CCNH: variants seen among roughly 807,000 people sequenced by gnomAD.
CCNH encodes cyclin-H.
In CCNH, 31 loss-of-function variants were observed where a neutral mutation model predicts 41.9. The observed-to-expected ratio is 0.74, with a 90% CI of 0.56 to 1.00. The LOEUF is 1.00. Among genes scored for constraint, CCNH ranks in the 50% least tolerant of loss-of-function variants. CCNH has a pLI of 0.00. For synonymous variants in CCNH, 138 were observed against 136.1 expected (o/e 1.01, Z -0.10); for missense variants, 362 against 388.4 (o/e 0.93, Z 0.57).
chr5:87,355,168 A>G (rs1323850948), intron 9 of CCNH, among the ~76,000 whole-genome samples: 1 of 152,182 alleles, frequency 6.6e-6, no homozygotes, highest in Non-Finnish European at 1.5e-5. Context: ...TGAAGGTGCT[A>G]AACAACAGAT....
chr5:87,352,966 T>C (rs149277466), intron 9 of CCNH, among the ~76,000 whole-genome samples: 1 of 152,170 alleles, frequency 6.6e-6, no homozygotes, highest in African/African-American at 2.4e-5. Flanking sequence ...CCTGTAAATC[T>C]ATATTGAGAA....
chr5:87,324,128 G>A (rs749221312), intron 9 of CCNH, among the ~76,000 whole-genome samples: 7 of 152,306 alleles, frequency 4.6e-5, no homozygotes, highest in Non-Finnish European at 7.3e-5. Context: ...TTCATGTGCT[G>A]AATGGTATGA....
chr5:87,380,670 A>G (rs1005935823), upstream of CCNH: 15 of 1,273,172 alleles, frequency 1.2e-5, no homozygotes, highest in African/African-American at 2.1e-4. Context: ...GAATAACAAT[A>G]TACAATTCAA....
intron 7 of CCNH, among the ~76,000 whole-genome samples, chr5:87,396,407 G>A (rs906239964): frequency 2.0e-5 from 3 of 152,124 alleles, no homozygotes; most frequent in Non-Finnish European, 2.9e-5. Flanking sequence ...GGATCACGAC[G>A]TCAGGAGCTT....
At chr5:87,378,650 C>A, upstream of CCNH, 1 of 1,165,516 alleles carries the variant, frequency 8.6e-7, no homozygotes. Flanking sequence ...AAAATTATTC[C>A]TCATAGCAGT....
intron 9 of CCNH, among the ~76,000 whole-genome samples, chr5:87,327,259 C>T (rs138280300): frequency 7.2e-5 from 11 of 152,270 alleles, no homozygotes; most frequent in African/African-American, 2.6e-4. Context: ...CCTACATTTG[C>T]GCAGCTAGGT....
chr5:87,330,186 T>C (rs1370445228), intron 9 of CCNH, among the ~76,000 whole-genome samples: 3 of 152,148 alleles, frequency 2.0e-5, no homozygotes, highest in Non-Finnish European at 4.4e-5. Context: ...AGTAATTCTT[T>C]CCATAAGTTT....
At chr5:87,351,351 T>C (rs1350967778) in intron 9 of CCNH, among the ~76,000 whole-genome samples, 1 of 151,760 alleles carries the variant, frequency 6.6e-6, no homozygotes, top group Admixed American at 6.6e-5. Context: ...AAGTATGGTA[T>C]GCAGAATGTG....
chr5:87,365,519 A>G (rs1176334572), intron 9 of CCNH, among the ~76,000 whole-genome samples: 4 of 152,094 alleles, frequency 2.6e-5, no homozygotes, highest in Non-Finnish European at 5.9e-5. Flanking sequence ...TTAACAGAGA[A>G]GTTAAAATTG....
chr5:87,314,216 T>C (rs1199671413), downstream of CCNH, among the ~76,000 whole-genome samples: 1 of 152,068 alleles, frequency 6.6e-6, no homozygotes, highest in Non-Finnish European at 1.5e-5. Flanking sequence ...AGAAAGTGCA[T>C]GTTTGGTTTG....
At chr5:87,338,913 TATC>T (rs1758238716) in intron 9 of CCNH, among the ~76,000 whole-genome samples, 1 of 152,124 alleles carries the variant, frequency 6.6e-6, no homozygotes, top group South Asian at 2.1e-4. Flanking sequence ...TATAATACGT[TATC>T]ATGGTATCAA....
chr5:87,324,079 A>C (rs1355911516), intron 9 of CCNH, among the ~76,000 whole-genome samples: 1 of 152,184 alleles, frequency 6.6e-6, no homozygotes, highest in Non-Finnish European at 1.5e-5. Context: ...TGTTAGACTA[A>C]AGTTTACTTT....
At chr5:87,368,191 G>A (rs1184845226) in intron 9 of CCNH, among the ~76,000 whole-genome samples, 1 of 151,434 alleles carries the variant, frequency 6.6e-6, no homozygotes, top group Non-Finnish European at 1.5e-5. Flanking sequence ...TTTTTCCTCT[G>A]TACCAACCTA....
chr5:87,390,428 C>T (rs972920807), downstream of CCNH, among the ~76,000 whole-genome samples: 1 of 151,798 alleles, frequency 6.6e-6, no homozygotes, highest in African/African-American at 2.4e-5. Flanking sequence ...TCTCCCCGCC[C>T]CTCCCCCCGC....
intron 1 of CCNH, among the ~76,000 whole-genome samples, chr5:87,412,147 T>A (rs1764297915): frequency 6.6e-6 from 1 of 152,172 alleles, no homozygotes; most frequent in Non-Finnish European, 1.5e-5. Context: ...AGGTTCCTCA[T>A]CCTTTCAGTG....
chr5:87,346,643 TTA>T (rs780645645), intron 9 of CCNH: 1 of 1,425,900 alleles, frequency 7.0e-7, no homozygotes, highest in South Asian at 1.2e-5. Flanking sequence ...AGGACTTTAT[TTA>T]TATATCTAAT....
intron 9 of CCNH, among the ~76,000 whole-genome samples, chr5:87,364,110 C>A (rs1299953714): frequency 6.6e-6 from 1 of 151,946 alleles, no homozygotes; most frequent in African/African-American, 2.4e-5. Flanking sequence ...GTAATCCATC[C>A]CAGTCTTTTT....
At chr5:87,322,504 G>A (rs544709250) in intron 9 of CCNH, among the ~76,000 whole-genome samples, 14 of 152,254 alleles carry the variant, frequency 9.2e-5, no homozygotes, top group African/African-American at 3.1e-4. Context: ...GGTGCCGGAG[G>A]TTGGGGACTA....
chr5:87,387,896 T>G (rs1762174413), downstream of CCNH, among the ~76,000 whole-genome samples: 1 of 152,154 alleles, frequency 6.6e-6, no homozygotes, highest in African/African-American at 2.4e-5. Flanking sequence ...ACTATAATGT[T>G]TAAGGAACTG....
Sources: gnomAD v4.1 joint callset for allele counts (sites outside exome capture counted in the v4.1 genomes callset) on GRCh38, gnomAD v4.1.1 for gene constraint, MANE v1.5 for transcripts, NCBI Gene and HGNC (gene_info 2026-07-23, HGNC 2026-07-21) for gene names.